Variants in BRD9 observed in about 807,000 individuals in gnomAD.
BRD9 encodes the protein bromodomain-containing protein 9.
A neutral mutation model predicts 68.7 loss-of-function variants in BRD9; 47 were observed. The ratio of observed to expected loss-of-function variants is 0.68; its 90% CI spans 0.54 to 0.87. The LOEUF is 0.87. Among genes scored for constraint, BRD9 ranks in the 40% least tolerant of loss-of-function variants. The pLI is 0.00. For synonymous variants in BRD9, 313 were observed against 293.9 expected (o/e 1.06, Z -0.67); for missense variants, 670 against 748.4 (o/e 0.90, Z 1.22).
Position 886,685 on chromosome 5 carries a change from T to C in BRD9, c.740A>G (p.Glu247Gly). ...MSKQAALLGN[E>G]DTAVEEPVPE... ...GACAGGTTCCTCAACAGCTGTATCTTCATTGCCCAAAAGAGCTGCCTGCTG... is the reference window on the plus strand; with the variant it reads ...GACAGGTTCCTCAACAGCTGTATCTCCATTGCCCAAAAGAGCTGCCTGCTG... The change falls in exon 7 of 16, where the codon GAA becomes GGA. Residue 247 changes from glutamate to glycine, a missense_variant. Around this residue, in one of 5 missense-constraint regions of BRD9, gnomAD observed 135 missense variants for 141.2 expected, o/e 0.96. Transcript: ENST00000467963. 3 of 1,614,190 alleles carry C rather than the reference T, an allele frequency of 1.9e-6. No homozygotes were observed. The highest frequency in any genetic ancestry group is 1.1e-5 in the South Asian group (1 of 91,084).
chr5:878,887 T>C (rs1478562844), intron 10 of BRD9: 1 of 192,958 alleles, frequency 5.2e-6, no homozygotes, highest in East Asian at 9.8e-5. Context: ...TACTGTGCAG[T>C]GTCCCATAGG....
Position 892,755 on chromosome 5 carries a change from CGCTCGCTGCGCCGAGGTTGCCGA to C in BRD9, c.-121_-99del. 8.6e-7 allele frequency: 1 copy of C among 1,165,202 alleles called. No individual in the cohort carries two copies. Among genetic ancestry groups the C allele is most frequent in the Non-Finnish European group, 1.1e-6 (1 of 928,184 alleles). 72.2% of individuals were successfully genotyped at this position (1,165,202 alleles called of 1,614,324 possible). ...CCCCCTGGCCCTGGCTGGCCGCCCG[CGCTCGCTGCGCCGAGGTTGCCGA>C]GCTCGCTGGGCCGCGCCGGAAACGG... On this transcript the variant is annotated 5_prime_UTR_variant, in exon 1 of 16. Transcript: ENST00000467963.
intron 2 of BRD9, 123 bp from the exon 3 acceptor site, chr5:891,410 C>A: frequency 7.1e-7 from 1 of 1,410,892 alleles, no homozygotes. Flanking sequence ...CCGAGATCCT[C>A]CTCATGCCAG....
At chr5:892,536 G>GCGTGCCCGGAACTCCTCCCC (rs1753620024) in intron 1 of BRD9, 70 bp downstream of exon 1, 2 of 1,512,826 alleles carry the variant, frequency 1.3e-6, no homozygotes, top group Non-Finnish European at 1.8e-6. Flanking sequence ...ACCCCCGTCC[G>GCGTGCCCGGAACTCCTCCCC]CGTGCCCGGA....
At chr5:876,869 G>C (rs1009872619) in intron 11 of BRD9, among the ~76,000 whole-genome samples, 1 of 152,188 alleles carries the variant, frequency 6.6e-6, no homozygotes, top group African/African-American at 2.4e-5. Context: ...CCGTGTCTTT[G>C]TTAAAACACC....
intron 1 of BRD9, 147 bp from the exon 2 acceptor site, chr5:892,001 C>G: frequency 7.6e-7 from 1 of 1,313,100 alleles, no homozygotes; most frequent in East Asian, 2.5e-5. Flanking sequence ...AAGGGAAGAC[C>G]ACAGTGGCGG....
At position 865,588 on chromosome 5, in the gene BRD9, A is replaced by C; in HGVS notation, c.1526-7T>G. The C allele has an allele frequency of 6.3e-7, 1 of 1,592,858 alleles. No individual in the cohort carries two copies. The highest frequency in any genetic ancestry group is 8.5e-7 in the Non-Finnish European group (1 of 1,172,464). On this transcript the variant is annotated splice_region_variant and splice_polypyrimidine_tract_variant and intron_variant, in intron 14 of 15. Coordinates refer to ENST00000467963, the MANE Select transcript of BRD9 (RefSeq NM_023924.5). ...AGCTCCTTCTTCACCTTCCCTGTGT[A>C]AACAGGACATGACCCCACGTCGGCT...
chr5:872,155 C>T (rs764872680), intron 12 of BRD9, among the ~76,000 whole-genome samples: 41 of 152,260 alleles, frequency 2.7e-4, no homozygotes, highest in Non-Finnish European at 4.3e-4. Context: ...CTCCGTGGCA[C>T]ACCCGTCCTG....
At chr5:887,718 A>G (rs1234570217) in intron 5 of BRD9, among the ~76,000 whole-genome samples, 3 of 152,224 alleles carry the variant, frequency 2.0e-5, no homozygotes, top group Non-Finnish European at 4.4e-5. Context: ...TAAGCATCAC[A>G]TACAAATGCT....
intron 14 of BRD9, 112 bp downstream of exon 14, chr5:870,361 T>C: frequency 1.2e-6 from 1 of 810,954 alleles, no homozygotes; most frequent in African/African-American, 1.7e-5. Flanking sequence ...TAACAAAAGA[T>C]TTTCCTGGCA....
intron 15 of BRD9, among the ~76,000 whole-genome samples, 183 bp downstream of exon 15, chr5:865,231 G>A (rs972343104): frequency 6.8e-4 from 103 of 152,320 alleles, no homozygotes; most frequent in African/African-American, 2.2e-3. Flanking sequence ...TCCCAGCTCC[G>A]CTCCGGCTCT....
chr5:872,366 G>A (rs551609420), intron 12 of BRD9, among the ~76,000 whole-genome samples: 2 of 152,290 alleles, frequency 1.3e-5, no homozygotes, highest in African/African-American at 2.4e-5. Flanking sequence ...GGGTGCACTC[G>A]GGGTCACTCA....
intron 15 of BRD9, among the ~76,000 whole-genome samples, chr5:865,018 T>C (rs1168126734): frequency 1.3e-4 from 20 of 152,248 alleles, no homozygotes; most frequent in Non-Finnish European, 1.5e-5. Context: ...CAAGATTCAC[T>C]CTGCCGACAG....
At chr5:865,761 T>G in intron 14 of BRD9, 180 bp from the exon 15 acceptor site, 1 of 618,724 alleles carries the variant, frequency 1.6e-6, no homozygotes, top group East Asian at 3.0e-5. Context: ...ACATTACCCT[T>G]AGCAGTGAGT....
chr5:892,151 A>C, intron 1 of BRD9: 2 of 439,776 alleles, frequency 4.5e-6, no homozygotes, highest in Non-Finnish European at 8.1e-6. Flanking sequence ...GGGACCTGGA[A>C]CCCCGGAGCC....
Position 892,528 on chromosome 5 carries a change from C to G in BRD9, c.52+78G>C. ...CAGGACCTCGCCCGGTGCCCAGGAC[C>G]CCCGTCCGCGTGCCCGGAACTCCTC... is the stretch of plus-strand genomic sequence containing the variant. On this transcript the variant is annotated intron_variant, in intron 1 of 15. Coordinates refer to ENST00000467963, the MANE Select transcript of BRD9 (RefSeq NM_023924.5). 2.0e-6 allele frequency: 3 copies of G among 1,505,260 alleles called. No homozygotes were observed. In the South Asian group the frequency reaches 3.8e-5, roughly 19 times the overall value. The allele number at this position is 1,505,260 out of a possible 1,614,324, so 93.2% of individuals were successfully genotyped here. A position where few individuals can be genotyped will look rare whatever the true frequency, so the allele number is the denominator to read the frequency against.
Position 865,552 on chromosome 5 carries a change from C to T in BRD9, c.1555G>A (p.Asp519Asn), listed in dbSNP as rs769494561. 20 of 1,604,136 alleles carry T rather than the reference C, an allele frequency of 1.2e-5. No individual in the cohort carries two copies. Among genetic ancestry groups the T allele is most frequent in the Non-Finnish European group, 1.5e-5 (18 of 1,178,486 alleles). Residue 519 changes from aspartate (D) to asparagine (N), a missense_variant, in exon 15 of 16, where the codon GAC becomes AAC. By Grantham distance (23) the Asp-to-Asn change is conservative. Coordinates refer to ENST00000467963, the MANE Select transcript of BRD9 (RefSeq NM_023924.5). ...GTCTCATCCAAGTTCAAATGGCTGT[C>T]GTCAGGGTCCAGCTCCTTCTTCACC... The part of the protein sequence containing the change: ...GKVKKELDPD[D>N]SHLNLDETTK...
intron 14 of BRD9, 33 bp downstream of exon 14, chr5:870,440 A>G (rs28497180): frequency 0.061 from 92,175 of 1,516,344 alleles, 4,779 homozygotes; most frequent in African/African-American, 0.27. Flanking sequence ...CACCTTCACC[A>G]GGTGCTGTGG....
At chr5:887,576 AG>A in intron 5 of BRD9, 105 bp from the exon 6 acceptor site, 1 of 865,444 alleles carries the variant, frequency 1.2e-6, no homozygotes, top group South Asian at 1.4e-5. Flanking sequence ...ACAATCGAGT[AG>A]AAAACAATTC....
Sources: gnomAD v4.1 joint callset for allele counts (sites outside exome capture counted in the v4.1 genomes callset) on GRCh38, gnomAD v4.1.1 for gene constraint, gnomAD v4.1.1 regional missense constraint, MANE v1.5 for transcripts, NCBI Gene and HGNC (gene_info 2026-07-23, HGNC 2026-07-21) for gene names.